PELP1: variants seen among roughly 807,000 people sequenced by gnomAD.
PELP1 encodes the protein proline-, glutamic acid- and leucine-rich protein 1.
A neutral mutation model predicts 95.5 loss-of-function variants in PELP1; 32 were observed. The ratio of observed to expected loss-of-function variants is 0.34; its 90% CI spans 0.25 to 0.45. The LOEUF (loss-of-function observed/expected upper bound fraction) is 0.45, where lower values mean the gene tolerates loss of function less well. PELP1 is among the 20% of genes least tolerant of loss of function. PELP1 has a pLI of 1.00. For missense variants in PELP1, 1,358 were observed against 1,444.8 expected (o/e 0.94, Z 0.97); for synonymous variants, 668 against 600.1 (o/e 1.11, Z -1.65).
Position 4,682,826 on chromosome 17 carries a change from A to C in PELP1, c.547T>G (p.Ser183Ala). 1 of 1,593,016 alleles carries C rather than the reference A, an allele frequency of 6.3e-7. No individual in the cohort carries two copies. Among genetic ancestry groups the C allele is most frequent in the Non-Finnish European group, 8.5e-7 (1 of 1,171,354 alleles). Residue 183 changes from serine to alanine, a missense_variant, in exon 4 of 17, where the codon TCC becomes GCC. This residue lies in a region of PELP1 where 538 missense variants were observed against 628.1 expected (regional missense o/e 0.86). Transcript: ENST00000572293. Reference sequence around the variant, plus strand: ...ACCTCTGGCCTGAGGCCCAGCAGGGAGGTGAGAAGGCCAGGGAGGTGGTTC... The same window carrying C: ...ACCTCTGGCCTGAGGCCCAGCAGGGCGGTGAGAAGGCCAGGGAGGTGGTTC... ...SMNHLPGLLT[S>A]LLGLRPECEQ...
chr17:4,699,743 C>T (rs1192306623), intron 1 of PELP1, among the ~76,000 whole-genome samples: 3 of 151,784 alleles, frequency 2.0e-5, no homozygotes, highest in East Asian at 1.9e-4. Flanking sequence ...TGCGTCACCA[C>T]GCCCAGCTAA....
At chr17:4,695,337 T>TAAATAAATAAAA (rs1913257676) in intron 1 of PELP1, among the ~76,000 whole-genome samples, 1 of 150,704 alleles carries the variant, frequency 6.6e-6, no homozygotes, top group South Asian at 2.1e-4. Flanking sequence ...AATAAATAAA[T>TAAATAAATAAAA]AAAATGGCTA....
In PELP1 at chr17:4,673,154, A is replaced by C; in HGVS notation, c.1846-9T>G. 1 of 1,511,154 alleles carries C rather than the reference A, an allele frequency of 6.6e-7. No individual in the cohort carries two copies. The highest frequency in any genetic ancestry group is 2.3e-5 in the East Asian group (1 of 43,084). 93.6% of individuals were successfully genotyped at this position (1,511,154 alleles called of 1,614,324 possible). A position where few individuals can be genotyped will look rare whatever the true frequency, so the allele number is the denominator to read the frequency against. The stretch of plus-strand genomic sequence containing the variant: ...GAGCAGAAAGAGGAGACCTGAGGAA[A>C]GAAGAAAGGGCAAGTGTGAGCACCA... On this transcript the variant is annotated splice_polypyrimidine_tract_variant and intron_variant, in intron 15 of 16. Coordinates refer to ENST00000572293, the MANE Select transcript of PELP1 (RefSeq NM_014389.3). This position sits in a 1 kb window ranked among gnomAD's most constrained non-coding sequence, Gnocchi z 5.7.
rs1912734569 is a variant in PELP1, at chr17:4,682,697, C to T, written c.570+106G>A. 4 of 1,455,726 alleles carry T rather than the reference C, an allele frequency of 2.7e-6. No individual in the cohort carries two copies. In the Admixed American group the frequency reaches 8.3e-5, roughly 30 times the overall value. The allele number at this position is 1,455,726 out of a possible 1,614,324, so 90.2% of individuals were successfully genotyped here. A position where few individuals can be genotyped will look rare whatever the true frequency, so the allele number is the denominator to read the frequency against. ...CTTTTTCTTGGCCCCTCCCTCTTCT[C>T]ACTTCTTCAATCCTATTCCCCAGTC... On this transcript the variant is annotated intron_variant, in intron 4 of 16. Transcript: ENST00000572293.
chr17:4,671,858 C>T lies in PELP1; in HGVS notation c.3133G>A (p.Ala1045Thr). The change falls in exon 16 of 17, where the codon GCG becomes ACG. Residue 1045 changes from alanine to threonine, a missense_variant. Around this residue, in one of 7 missense-constraint regions of PELP1, gnomAD observed 283 missense variants for 284.1 expected, o/e 1.00. Coordinates refer to ENST00000572293, the MANE Select transcript of PELP1 (RefSeq NM_014389.3). ...GEVEREGESP[A>T]AGPPPQELVE... Reference sequence around the variant, plus strand: ...AGCTCCTGGGGAGGGGGCCCTGCCGCAGGGCTTTCCCCTTCCCTCTCCACC... The same window carrying T: ...AGCTCCTGGGGAGGGGGCCCTGCCGTAGGGCTTTCCCCTTCCCTCTCCACC... The T allele has an allele frequency of 6.6e-7, 1 of 1,512,772 alleles. No homozygotes were observed. The highest frequency in any genetic ancestry group is 8.8e-7 in the Non-Finnish European group (1 of 1,134,660). 93.7% of individuals were successfully genotyped at this position (1,512,772 alleles called of 1,614,324 possible).
At chr17:4,700,446 A>G (rs908852638) in intron 1 of PELP1, among the ~76,000 whole-genome samples, 17 of 152,062 alleles carry the variant, frequency 1.1e-4, no homozygotes, top group African/African-American at 4.1e-4. Context: ...GAAGTTCGAG[A>G]CCAGCCTGAC....
In PELP1 at chr17:4,673,574, C is replaced by A. The variant is rs566513579; in HGVS notation, c.1638+45G>T. 6.3e-7 allele frequency: 1 copy of A among 1,594,172 alleles called. No homozygotes were observed. The highest frequency in any genetic ancestry group is 2.2e-5 in the East Asian group (1 of 44,782). On this transcript the variant is annotated intron_variant, in intron 14 of 16. Transcript: ENST00000572293. This position sits in a 1 kb window ranked among gnomAD's most constrained non-coding sequence, Gnocchi z 5.7. ...GCCACACCCCCCAATGTGTACAGAG[C>A]AGGGGCCCCTTCCCCTATCTCCACG... is the stretch of plus-strand genomic sequence containing the variant.
chr17:4,699,699 G>C (rs1913442406), intron 1 of PELP1, among the ~76,000 whole-genome samples: 1 of 151,982 alleles, frequency 6.6e-6, no homozygotes, highest in Non-Finnish European at 1.5e-5. Context: ...CAATTCTCCT[G>C]CCTCAGTCTC....
At chr17:4,695,821 T>C (rs937624577) in intron 1 of PELP1, among the ~76,000 whole-genome samples, 1 of 149,616 alleles carries the variant, frequency 6.7e-6, no homozygotes, top group Admixed American at 6.7e-5. Flanking sequence ...TCTAAAAATC[T>C]ACTAAAAATA....
At chr17:4,685,956 G>C (rs1051429368) in intron 3 of PELP1, among the ~76,000 whole-genome samples, 6 of 152,094 alleles carry the variant, frequency 3.9e-5, no homozygotes, top group African/African-American at 1.2e-4. Context: ...AATTAGCCGG[G>C]TGTGGTGATA....
chr17:4,674,207 C>T (rs891445200), intron 13 of PELP1, among the ~76,000 whole-genome samples: 1 of 152,238 alleles, frequency 6.6e-6, no homozygotes, highest in African/African-American at 2.4e-5. Context: ...GGGGCTGTGT[C>T]GGCTACCAGA....
intron 13 of PELP1, 119 bp downstream of exon 13, chr17:4,674,391 T>C (rs2150553598): frequency 1.1e-6 from 1 of 892,270 alleles, no homozygotes; most frequent in South Asian, 1.6e-5. Context: ...CGAAGGCTGG[T>C]CTAGGCACTC....
chr17:4,686,310 C>T (rs1455959035), intron 3 of PELP1, among the ~76,000 whole-genome samples: 4 of 152,182 alleles, frequency 2.6e-5, no homozygotes, highest in Non-Finnish European at 4.4e-5. Context: ...GTGTTCTACT[C>T]GATGCTAATC....
intron 1 of PELP1, among the ~76,000 whole-genome samples, chr17:4,694,741 G>A (rs1913231511): frequency 6.6e-6 from 1 of 151,014 alleles, no homozygotes; most frequent in Non-Finnish European, 1.5e-5. Context: ...GGGGGGCCGA[G>A]GCAGGTGGAT....
At position 4,675,477 on chromosome 17, in the gene PELP1, T is replaced by G. The variant is rs1430784536; in HGVS notation, c.1069-115A>C. On this transcript the variant is annotated intron_variant, in intron 9 of 16. Transcript: ENST00000572293. The surrounding 1 kb of genome is among the most constrained non-coding windows in gnomAD (Gnocchi z 4.3). Reference sequence around the variant, plus strand: ...ACACATAGGTAAGAAACCCAACCCCTGATCTCAGCTCTCCCAACAAAATCA... The same window carrying G: ...ACACATAGGTAAGAAACCCAACCCCGGATCTCAGCTCTCCCAACAAAATCA... 1 of 747,360 alleles carries G rather than the reference T, an allele frequency of 1.3e-6. No homozygotes were observed. Among genetic ancestry groups the G allele is most frequent in the Non-Finnish European group, 2.4e-6 (1 of 425,186 alleles). 46.3% of individuals were successfully genotyped at this position (747,360 alleles called of 1,614,324 possible).
At chr17:4,699,372 T>C (rs1418506387) in intron 1 of PELP1, among the ~76,000 whole-genome samples, 2 of 151,020 alleles carry the variant, frequency 1.3e-5, no homozygotes, top group Non-Finnish European at 3.0e-5. Context: ...AAAGCAAGAC[T>C]CCATCTCAAA....
intron 1 of PELP1, among the ~76,000 whole-genome samples, chr17:4,697,544 A>G (rs1913343829): frequency 6.6e-6 from 1 of 152,194 alleles, no homozygotes; most frequent in Admixed American, 6.5e-5. Flanking sequence ...ACAAAAAGAC[A>G]GGGGAGAGAT....
In PELP1 at chr17:4,676,081, C is replaced by T. The variant is rs373744745; in HGVS notation, c.935G>A (p.Arg312Gln). The T allele has an allele frequency of 1.7e-5, 27 of 1,613,826 alleles. No individual in the cohort carries two copies. Among genetic ancestry groups the T allele is most frequent in the South Asian group, 4.4e-5 (4 of 91,076 alleles). ...DGDAHVLLQL[R>Q]QRFSGLARCL... is the part of the protein sequence containing the mutation. ...GCGGGCCAGTCCCGAAAACCTCTGC[C>T]GAAGCTGGAGAAGGACATGGGCATC... Residue 312 changes from arginine to glutamine, a missense_variant, in exon 8 of 17, where the codon CGG (arginine) becomes CAG (glutamine). Coordinates refer to ENST00000572293, the MANE Select transcript of PELP1 (RefSeq NM_014389.3).
At chr17:4,671,606 CCT>C (rs2150551518) in intron 16 of PELP1, 75 bp from the exon 17 acceptor site, 1 of 1,605,844 alleles carries the variant, frequency 6.2e-7, no homozygotes, top group East Asian at 2.2e-5. Context: ...GCTGGGCAAA[CCT>C]CTCCTAAGAG....
Sources: gnomAD v4.1 joint callset for allele counts (sites outside exome capture counted in the v4.1 genomes callset) on GRCh38, gnomAD v4.1.1 for gene constraint, gnomAD v4.1.1 regional missense constraint, Gnocchi (gnomAD v3.1) non-coding constraint, MANE v1.5 for transcripts, NCBI Gene and HGNC (gene_info 2026-07-23, HGNC 2026-07-21) for gene names.